CRABP2: variants seen among roughly 807,000 people sequenced by gnomAD.
CRABP2 encodes cellular retinoic acid-binding protein 2.
In CRABP2, 20 loss-of-function variants were observed where a neutral mutation model predicts 17.9. The observed-to-expected ratio is 1.12, with a 90% CI of 0.79 to 1.63. The LOEUF is 1.63. Ranked by LOEUF, CRABP2 falls within the 40% of genes most tolerant of loss-of-function variation. CRABP2 has a pLI of 0.00. For missense variants in CRABP2, 151 were observed against 168.6 expected (o/e 0.90, Z 0.58); for synonymous variants, 76 against 66.4 (o/e 1.14, Z -0.70).
At chr1:156,703,800 G>A (rs997863067) in intron 1 of CRABP2, among the ~76,000 whole-genome samples, 4 of 152,234 alleles carry the variant, frequency 2.6e-5, no homozygotes, top group Non-Finnish European at 4.4e-5. Flanking sequence ...TGCCAGGACC[G>A]AAGTTCCTGC....
At chr1:156,705,634 T>G, upstream of CRABP2, 2 of 556,558 alleles carry the variant, frequency 3.6e-6, no homozygotes, top group Non-Finnish European at 3.1e-6. The surrounding 1 kb of genome is among the most constrained non-coding windows in gnomAD (Gnocchi z 5.2). Flanking sequence ...GAACCGCCCC[T>G]GCCCAGGATT....
upstream of CRABP2, chr1:156,705,639 A>G (rs1047978276): frequency 3.7e-6 from 2 of 540,176 alleles, no homozygotes; most frequent in Admixed American, 3.1e-5. This position sits in a 1 kb window ranked among gnomAD's most constrained non-coding sequence, Gnocchi z 5.2. Context: ...GCCCCTGCCC[A>G]GGATTGAAGT....
intron 3 of CRABP2, among the ~76,000 whole-genome samples, 185 bp from the exon 4 acceptor site, chr1:156,700,261 C>A (rs1023509088): frequency 3.9e-5 from 6 of 152,166 alleles, no homozygotes; most frequent in African/African-American, 1.4e-4. Flanking sequence ...AGCAATAGAG[C>A]CCCTGGGGCC....
chr1:156,703,922 T>C (rs1031400785), intron 1 of CRABP2, among the ~76,000 whole-genome samples: 12 of 152,178 alleles, frequency 7.9e-5, no homozygotes, highest in Admixed American at 6.5e-5. Context: ...GTTTGTCTAA[T>C]GGATCTGTTT....
Position 156,700,991 on chromosome 1 carries a change from G to A in CRABP2, c.132C>T (p.Ile44=), listed in dbSNP as rs1803320. 6.2e-7 allele frequency: 1 copy of A among 1,614,188 alleles called. No individual in the cohort carries two copies. The highest frequency in any genetic ancestry group is 2.2e-5 in the East Asian group (1 of 44,882). ...TGTAGAAAGTGTCTCCCTCCTGTTT[G>A]ATCTCCACTGCTGGCTTGGACGCTG... The part of the protein sequence containing the change: ...VAAASKPAVE[I]KQEGDTFYIK... Residue 44 remains isoleucine (I), a synonymous_variant, in exon 2 of 4, where the codon ATC becomes ATT. Coordinates refer to ENST00000368222, the MANE Select transcript of CRABP2 (RefSeq NM_001878.4).
intron 1 of CRABP2, among the ~76,000 whole-genome samples, chr1:156,701,398 C>T (rs1192713441): frequency 6.6e-6 from 1 of 152,032 alleles, no homozygotes; most frequent in African/African-American, 2.4e-5. Flanking sequence ...GGCAGCTTCT[C>T]CCCAGCCCCC....
Position 156,705,251 on chromosome 1 carries a change from T to C in CRABP2, c.70+126A>G. On this transcript the variant is annotated intron_variant, in intron 1 of 3. Coordinates refer to ENST00000368222, the MANE Select transcript of CRABP2 (RefSeq NM_001878.4). The surrounding 1 kb of genome is among the most constrained non-coding windows in gnomAD (Gnocchi z 5.2). The stretch of plus-strand genomic sequence containing the variant: ...CCCCGGGACCCGGACGCCTGGCACG[T>C]TTTTCGGGGATGCAGGCACCCAGTG... The C allele has an allele frequency of 9.3e-7, 1 of 1,071,186 alleles. No homozygotes were observed. Among genetic ancestry groups the C allele is most frequent in the Non-Finnish European group, 1.4e-6 (1 of 705,480 alleles). 66.4% of individuals were successfully genotyped at this position (1,071,186 alleles called of 1,614,324 possible). A position where few individuals can be genotyped will look rare whatever the true frequency, so the allele number is the denominator to read the frequency against.
chr1:156,701,169 G>T (rs142297250), intron 1 of CRABP2, 117 bp from the exon 2 acceptor site: 5 of 1,179,784 alleles, frequency 4.2e-6, no homozygotes, highest in East Asian at 2.5e-5. Flanking sequence ...GGGTGTGTTG[G>T]GGGGTGCATC....
Position 156,705,373 on chromosome 1 carries a change from T to C in CRABP2, c.70+4A>G. ...CCCACCTGGGCCCTCGAACATTTCCTTACCCAGCACTTTGAGCAATTCCTC... is the reference window on the plus strand; with the variant it reads ...CCCACCTGGGCCCTCGAACATTTCCCTACCCAGCACTTTGAGCAATTCCTC... On this transcript the variant is annotated splice_donor_region_variant and intron_variant, in intron 1 of 3. Transcript: ENST00000368222. The surrounding 1 kb of genome is among the most constrained non-coding windows in gnomAD (Gnocchi z 5.2). The C allele has an allele frequency of 6.2e-7, 1 of 1,613,976 alleles. No individual in the cohort carries two copies. The highest frequency in any genetic ancestry group is 1.1e-5 in the South Asian group (1 of 91,082).
chr1:156,700,029 C>G lies in CRABP2; in HGVS notation c.414G>C (p.Glu138Asp), dbSNP rs745309518. ...CCGCGGTTCTACCTGTGGCCACTCACTCTCGGACGTAGACCCTGGTGCACA... is the reference window on the plus strand; with the variant it reads ...CCGCGGTTCTACCTGTGGCCACTCAGTCTCGGACGTAGACCCTGGTGCACA... ...DVVCTRVYVRE is the reference protein window; with the variant it reads ...DVVCTRVYVRD The change falls in exon 4 of 4, where the codon GAG becomes GAC. Residue 138 changes from glutamate (E) to aspartate (D), a missense_variant. Physicochemically the swap from Glu to Asp is conservative, Grantham distance 45. Coordinates refer to ENST00000368222, the MANE Select transcript of CRABP2 (RefSeq NM_001878.4). 6.9e-5 allele frequency: 111 copies of G among 1,613,172 alleles called. No homozygotes were observed. In the East Asian group the frequency reaches 2.4e-3, roughly 35 times the overall value.
chr1:156,704,988 G>A (rs1648151501), intron 1 of CRABP2, among the ~76,000 whole-genome samples: 1 of 152,192 alleles, frequency 6.6e-6, no homozygotes, highest in Non-Finnish European at 1.5e-5. Context: ...GCAGGGTAGG[G>A]AACCGGGCTC....
intron 1 of CRABP2, 131 bp from the exon 2 acceptor site, chr1:156,701,183 C>T: frequency 1.1e-6 from 1 of 929,138 alleles, no homozygotes; most frequent in South Asian, 1.7e-5. Flanking sequence ...GTGCATCTGC[C>T]TGGTGCCTGG....
intron 1 of CRABP2, among the ~76,000 whole-genome samples, chr1:156,704,378 G>A (rs574247753): frequency 5.3e-5 from 8 of 152,186 alleles, no homozygotes; most frequent in Non-Finnish European, 8.8e-5. Flanking sequence ...CCGAACTACC[G>A]TCTCTCTGTT....
intron 1 of CRABP2, among the ~76,000 whole-genome samples, chr1:156,701,812 C>T (rs1477416776): frequency 1.3e-5 from 2 of 152,128 alleles, no homozygotes; most frequent in African/African-American, 2.4e-5. Context: ...CCTTAGATTC[C>T]TCAATTGTAA....
At chr1:156,700,762 A>G (rs41267411) in intron 2 of CRABP2, 104 bp from the exon 3 acceptor site, 19,902 of 1,513,794 alleles carry the variant, frequency 0.013, 192 homozygotes, top group Middle Eastern at 0.036. Flanking sequence ...CCACCTAGGG[A>G]TTTTCCCTAC....
upstream of CRABP2, chr1:156,705,646 A>C: frequency 9.7e-6 from 5 of 515,208 alleles, no homozygotes; most frequent in Non-Finnish European, 1.7e-5. The surrounding 1 kb of genome is among the most constrained non-coding windows in gnomAD (Gnocchi z 5.2). Context: ...CCCAGGATTG[A>C]AGTGGCCCCG....
At chr1:156,702,993 T>C (rs187178860) in intron 1 of CRABP2, among the ~76,000 whole-genome samples, 16 of 147,848 alleles carry the variant, frequency 1.1e-4, no homozygotes, top group Admixed American at 4.0e-4. Flanking sequence ...GCCCAGAAGT[T>C]TGAGACTAGA....
At position 156,701,128 on chromosome 1, in the gene CRABP2, G is replaced by A. The variant is rs1648020150; in HGVS notation, c.71-76C>T. On this transcript the variant is annotated intron_variant, in intron 1 of 3. Coordinates refer to ENST00000368222, the MANE Select transcript of CRABP2 (RefSeq NM_001878.4). ...CTCACACCCTCCCCATAAGACAGTT[G>A]GAGCAGGCTGATTTGTGACTTGCTT... 1.3e-6 allele frequency: 2 copies of A among 1,505,830 alleles called. 1 individual carries two copies. Among genetic ancestry groups the A allele is most frequent in the South Asian group, 2.5e-5 (2 of 79,596 alleles). 93.3% of individuals were successfully genotyped at this position (1,505,830 alleles called of 1,614,324 possible).
At chr1:156,700,795 T>C (rs1236973068) in intron 2 of CRABP2, 79 bp downstream of exon 2, 1 of 1,560,742 alleles carries the variant, frequency 6.4e-7, no homozygotes, top group Non-Finnish European at 8.8e-7. Flanking sequence ...AAGCTAGGAG[T>C]TAACTGCTAG....
Sources: gnomAD v4.1 joint callset for allele counts (sites outside exome capture counted in the v4.1 genomes callset) on GRCh38, gnomAD v4.1.1 for gene constraint, Gnocchi (gnomAD v3.1) non-coding constraint, MANE v1.5 for transcripts, NCBI Gene and HGNC (gene_info 2026-07-23, HGNC 2026-07-21) for gene names.